The following RASSF8 variants were observed in gnomAD, a reference collection of about 807,000 sequenced individuals.
RASSF8 encodes Ras association domain family member 8.
RASSF8 carries 22 observed loss-of-function variants against 48.5 expected under a neutral mutation model. The ratio of observed to expected loss-of-function variants is 0.45; its 90% CI spans 0.32 to 0.65. The LOEUF (loss-of-function observed/expected upper bound fraction) is 0.65, where lower values mean the gene tolerates loss of function less well. Ranked by LOEUF, RASSF8 falls within the 30% of genes least tolerant of loss-of-function variation. RASSF8 has a pLI of 0.03. For missense variants in RASSF8, 418 were observed against 489.2 expected, an observed-to-expected ratio of 0.85 and a Z score of 1.37; for synonymous variants, 127 against 171.5, an observed-to-expected ratio of 0.74 and a Z score of 2.03.
At chr12:25,997,810 A>G (rs1376649022) in intron 2 of RASSF8, among the ~76,000 whole-genome samples, 1 of 152,198 alleles carries the variant, frequency 6.6e-6, no homozygotes, top group African/African-American at 2.4e-5. Flanking sequence ...TTGGCCAAGA[A>G]AGGAGCCATC....
intron 1 of RASSF8, among the ~76,000 whole-genome samples, chr12:25,994,230 G>T (rs576247794): frequency 1.3e-5 from 2 of 151,576 alleles, no homozygotes; most frequent in African/African-American, 4.9e-5. Context: ...ATTTGGGGGC[G>T]GTATTTTCTA....
At chr12:26,068,587 T>C in intron 5 of RASSF8, 110 bp from the exon 6 acceptor site, 1 of 831,774 alleles carries the variant, frequency 1.2e-6, no homozygotes, top group Non-Finnish European at 1.9e-6. Context: ...ATTGCAATTA[T>C]TGCTCTATGC....
chr12:26,022,289 G>A (rs1942804869), intron 2 of RASSF8, among the ~76,000 whole-genome samples: 1 of 152,194 alleles, frequency 6.6e-6, no homozygotes, highest in Non-Finnish European at 1.5e-5. Flanking sequence ...CCTCCGAGGA[G>A]TAGCACCAAA....
chr12:26,044,400 C>G (rs760137086), intron 2 of RASSF8, among the ~76,000 whole-genome samples: 25 of 152,096 alleles, frequency 1.6e-4, no homozygotes, highest in Admixed American at 3.9e-4. Context: ...GTAAGCATAG[C>G]AAAAACTAGG....
At chr12:26,073,748 T>TATAC (rs1555171926), downstream of RASSF8, among the ~76,000 whole-genome samples, 4 of 134,714 alleles carry the variant, frequency 3.0e-5, no homozygotes, top group African/African-American at 1.2e-4. Flanking sequence ...TCTCTCTCTA[T>TATAC]ACACACACAC....
intron 1 of RASSF8, among the ~76,000 whole-genome samples, chr12:25,981,052 A>C (rs1299844260): frequency 6.6e-6 from 1 of 152,122 alleles, no homozygotes; most frequent in African/African-American, 2.4e-5. Context: ...GTGTATGATC[A>C]GGGTCGGATG....
chr12:26,007,568 C>G (rs749283364), intron 2 of RASSF8, among the ~76,000 whole-genome samples: 1 of 152,128 alleles, frequency 6.6e-6, no homozygotes, highest in Non-Finnish European at 1.5e-5. Context: ...TGTTTGATGT[C>G]AGTGTAGCTG....
Position 26,057,772 on chromosome 12 carries a change from C to T in RASSF8, c.103+2326C>T, listed in dbSNP as rs140972991. Among the ~76,000 whole-genome samples the T allele has an allele frequency of 3.3e-5, 5 of 152,320 alleles. No individual in the cohort carries two copies. In the East Asian group the frequency reaches 9.6e-4, roughly 29 times the overall value. On this transcript the variant is annotated intron_variant, in intron 3 of 5. Transcript: ENST00000689635. The stretch of plus-strand genomic sequence containing the variant: ...GTGTAAAAATGTTCCTATTTCTCCA[C>T]GTCCTCTCCAGCATCTGTTGTTTCC...
At chr12:26,037,186 A>G (rs1943171981) in intron 2 of RASSF8, among the ~76,000 whole-genome samples, 1 of 152,162 alleles carries the variant, frequency 6.6e-6, no homozygotes, top group African/African-American at 2.4e-5. Context: ...AGGAAGAGGC[A>G]GGGTGGGAAA....
chr12:26,068,183 C>T (rs1943922113), intron 5 of RASSF8, among the ~76,000 whole-genome samples: 1 of 151,966 alleles, frequency 6.6e-6, no homozygotes, highest in South Asian at 2.1e-4. Flanking sequence ...AAATATTTCC[C>T]ATTTCTAGAG....
chr12:26,018,408 A>T (rs952572969), intron 2 of RASSF8, among the ~76,000 whole-genome samples: 1 of 152,170 alleles, frequency 6.6e-6, no homozygotes, highest in Non-Finnish European at 1.5e-5. Context: ...ATTTTCTAAC[A>T]TGTCACTTTA....
At chr12:25,974,527 A>C (rs184296403) in intron 1 of RASSF8, among the ~76,000 whole-genome samples, 2 of 151,050 alleles carry the variant, frequency 1.3e-5, no homozygotes, top group Admixed American at 1.3e-4. Flanking sequence ...CCATAGCACT[A>C]TACTAGCAGA....
rs1041276838 is a variant in RASSF8, at chr12:25,997,465, ATG to A, written c.-109+2346_-109+2347del. Among the ~76,000 whole-genome samples the A allele has an allele frequency of 2.6e-4, 40 of 151,896 alleles. 1 individual carries two copies. Among genetic ancestry groups the A allele is most frequent in the East Asian group, 3.9e-4 (2 of 5,178 alleles). ...ATTTTATATTTTAAAGGGTGTGTGT[ATG>A]TGTGTGTGTGAGTGTATGTGTTTTC... On this transcript the variant is annotated intron_variant, in intron 2 of 5. Coordinates refer to ENST00000689635, the MANE Select transcript of RASSF8 (RefSeq NM_001394098.1).
chr12:26,003,201 A>G (rs986939358), intron 2 of RASSF8, among the ~76,000 whole-genome samples: 2 of 152,144 alleles, frequency 1.3e-5, no homozygotes, highest in Non-Finnish European at 2.9e-5. Flanking sequence ...TTCTGTGTCT[A>G]TTGAGATGAT....
chr12:25,968,925 A>G (rs11048361), intron 1 of RASSF8, among the ~76,000 whole-genome samples: 1,619 of 152,372 alleles, frequency 0.011, 29 homozygotes, highest in African/African-American at 0.031. Context: ...ATGTAAGCAC[A>G]TTTGAGTAGA....
chr12:26,054,184 A>C (rs1943552426), intron 2 of RASSF8, among the ~76,000 whole-genome samples: 1 of 152,240 alleles, frequency 6.6e-6, no homozygotes, highest in Non-Finnish European at 1.5e-5. Flanking sequence ...AACAATGGAC[A>C]AACAAAAAAT....
At chr12:26,074,664 A>G (rs1944055971), downstream of RASSF8, among the ~76,000 whole-genome samples, 1 of 152,104 alleles carries the variant, frequency 6.6e-6, no homozygotes, top group Non-Finnish European at 1.5e-5. Flanking sequence ...TTGATGATAG[A>G]GATGACAACT....
chr12:26,042,953 G>A (rs1002777842), intron 2 of RASSF8, among the ~76,000 whole-genome samples: 11 of 152,022 alleles, frequency 7.2e-5, no homozygotes, highest in Admixed American at 6.5e-4. Context: ...ATTGCCTCTG[G>A]GATCACACTG....
At chr12:25,981,720 C>T (rs1181020289) in intron 1 of RASSF8, among the ~76,000 whole-genome samples, 1 of 152,176 alleles carries the variant, frequency 6.6e-6, no homozygotes, top group Admixed American at 6.5e-5. Context: ...AAATTAATCA[C>T]CAAAGCAAAG....
Sources: allele counts gnomAD v4.1 joint callset (sites outside exome capture counted in the v4.1 genomes callset), GRCh38; gene constraint gnomAD v4.1.1; transcripts MANE v1.5; gene names NCBI Gene and HGNC (gene_info 2026-07-23, HGNC 2026-07-21).